SEMA3E: variants seen among roughly 807,000 people sequenced by gnomAD.
The protein encoded by SEMA3E is semaphorin-3E.
In SEMA3E, 49 loss-of-function variants were observed where a neutral mutation model predicts 93.6. That is an observed-to-expected ratio of 0.52 (90% CI 0.42 to 0.66). The LOEUF is 0.66. Among genes scored for constraint, SEMA3E ranks in the 30% least tolerant of loss-of-function variants. The pLI is 0.00. For synonymous variants in SEMA3E, 363 were observed against 330.7 expected, an observed-to-expected ratio of 1.10 and a Z score of -1.06; for missense variants, 906 against 964.8, an observed-to-expected ratio of 0.94 and a Z score of 0.81.
chr7:83,559,141 A>G (rs1329119249), intron 1 of SEMA3E, among the ~76,000 whole-genome samples: 11 of 152,218 alleles, frequency 7.2e-5, no homozygotes, highest in Admixed American at 7.2e-4. Flanking sequence ...GCTGAGAACA[A>G]GTCCAAATCT....
chr7:83,400,931 C>T (rs983793667), intron 10 of SEMA3E, among the ~76,000 whole-genome samples: 6 of 152,072 alleles, frequency 3.9e-5, no homozygotes, highest in African/African-American at 1.4e-4. Context: ...TTTACTACTA[C>T]TGAGTCTATG....
At chr7:83,565,780 T>C (rs1792136264) in intron 1 of SEMA3E, among the ~76,000 whole-genome samples, 1 of 152,142 alleles carries the variant, frequency 6.6e-6, no homozygotes, top group African/African-American at 2.4e-5. Context: ...TTCCAGTTTC[T>C]AAGGGTGAAA....
rs374336266 is a variant in SEMA3E, at chr7:83,533,475, C to T, written c.116-43201G>A. 1.4e-4 allele frequency among the ~76,000 whole-genome samples: 22 copies of T among 152,134 alleles called. 2 individuals carry two copies. The East Asian group carries it at 1.5e-3, about 11-fold the overall frequency. ...AGGAGAATGGCTTGAACCCGGGAGG[C>T]GGAGATTGCAGCTAGCCAAGATTGT... On this transcript the variant is annotated intron_variant, in intron 1 of 16. Coordinates refer to ENST00000643230, the MANE Select transcript of SEMA3E (RefSeq NM_012431.3).
At chr7:83,554,997 T>TAAATAAATAAATAAATAAATAAATAACA in intron 1 of SEMA3E, among the ~76,000 whole-genome samples, 1 of 145,260 alleles carries the variant, frequency 6.9e-6, no homozygotes, top group East Asian at 2.1e-4. Context: ...AATAAATAAA[T>TAAATAAATAAATAAATAAATAAATAACA]AAAAATGGAA....
At chr7:83,583,452 C>A (rs560973423) in intron 1 of SEMA3E, among the ~76,000 whole-genome samples, 2 of 152,144 alleles carry the variant, frequency 1.3e-5, no homozygotes, top group Admixed American at 1.3e-4. Flanking sequence ...TGAATCCATC[C>A]CTGTGCAAGA....
Position 83,392,661 on chromosome 7 carries a change from T to C in SEMA3E, c.1561A>G (p.Met521Val), listed in dbSNP as rs1235152688. 2 of 1,613,842 alleles carry C rather than the reference T, an allele frequency of 1.2e-6. No individual in the cohort carries two copies. The highest frequency in any genetic ancestry group is 1.7e-5 in the Admixed American group (1 of 59,960). Residue 521 changes from methionine (M) to valine (V), a missense_variant, in exon 14 of 17, where the codon ATG becomes GTG. Transcript: ENST00000643230. ...VAQVRFHHCD[M>V]YGSACADCCL... ...CAGTCAGCACAAGCACTTCCATACA[T>C]GTCACAGTGATGGAATCTGACTTGA...
chr7:83,422,067 C>G (rs575434155), intron 4 of SEMA3E, among the ~76,000 whole-genome samples: 1 of 152,150 alleles, frequency 6.6e-6, no homozygotes, highest in East Asian at 1.9e-4. Context: ...ATCCCAGCTA[C>G]TTGGGAGGCT....
chr7:83,475,525 T>C (rs1185539081), intron 2 of SEMA3E, among the ~76,000 whole-genome samples: 1 of 152,160 alleles, frequency 6.6e-6, no homozygotes, highest in Non-Finnish European at 1.5e-5. Flanking sequence ...TTTCCTAAGC[T>C]TGGAGTCCCT....
At chr7:83,451,449 T>C (rs1789356215) in intron 4 of SEMA3E, among the ~76,000 whole-genome samples, 1 of 152,208 alleles carries the variant, frequency 6.6e-6, no homozygotes, top group Admixed American at 6.5e-5. Flanking sequence ...CATCAAGGCA[T>C]AAATGTAACA....
chr7:83,392,899 CT>C (rs1437159377), intron 13 of SEMA3E, among the ~76,000 whole-genome samples, 178 bp from the exon 14 acceptor site: 1 of 151,902 alleles, frequency 6.6e-6, no homozygotes. Flanking sequence ...AAAACCCCAT[CT>C]CTACTAAAAA....
chr7:83,533,352 G>A (rs1035995761), intron 1 of SEMA3E, among the ~76,000 whole-genome samples: 1 of 151,966 alleles, frequency 6.6e-6, no homozygotes, highest in African/African-American at 2.4e-5. Context: ...GACCAGTCTG[G>A]CCAACATGGC....
chr7:83,431,530 C>A (rs1195745167), intron 4 of SEMA3E, among the ~76,000 whole-genome samples: 1 of 152,088 alleles, frequency 6.6e-6, no homozygotes, highest in Non-Finnish European at 1.5e-5. Context: ...CTCAGCCTCT[C>A]GTCACTAGGA....
chr7:83,373,131 G>A (rs982654690), intron 16 of SEMA3E: 2 of 150,630 alleles, frequency 1.3e-5, no homozygotes, highest in African/African-American at 4.9e-5. Context: ...GATTCAGTAT[G>A]TTTTATAATT....
intron 4 of SEMA3E, among the ~76,000 whole-genome samples, chr7:83,430,749 A>G (rs1788863998): frequency 6.6e-6 from 1 of 152,118 alleles, no homozygotes; most frequent in African/African-American, 2.4e-5. Flanking sequence ...AACATAGATG[A>G]CGGACTATTA....
rs1789268578 is a variant in SEMA3E at position 83,447,901 on chromosome 7, T to G, written c.456+18581A>C. 3.9e-5 allele frequency among the ~76,000 whole-genome samples: 6 copies of G among 152,318 alleles called. No individual in the cohort carries two copies. The South Asian group carries it at 1.2e-3, about 32-fold the overall frequency. On this transcript the variant is annotated intron_variant, in intron 4 of 16. Coordinates refer to ENST00000643230, the MANE Select transcript of SEMA3E (RefSeq NM_012431.3). ...TAATAGGAAAATAATGTTAACACAG[T>G]GAGTCCTCTTTTTCTACTGAACTCA...
chr7:83,455,085 C>G (rs1355935028), intron 4 of SEMA3E, among the ~76,000 whole-genome samples: 2 of 152,138 alleles, frequency 1.3e-5, no homozygotes, highest in African/African-American at 2.4e-5. Context: ...TTTATCAAAA[C>G]CATACACTGA....
intron 4 of SEMA3E, among the ~76,000 whole-genome samples, chr7:83,437,245 A>C (rs574156415): frequency 6.6e-6 from 1 of 152,292 alleles, no homozygotes; most frequent in African/African-American, 2.4e-5. Flanking sequence ...AAATAATAAT[A>C]ATAATAAAGT....
At chr7:83,603,822 A>C (rs1393235169) in intron 1 of SEMA3E, among the ~76,000 whole-genome samples, 1 of 152,166 alleles carries the variant, frequency 6.6e-6, no homozygotes, top group Non-Finnish European at 1.5e-5. Flanking sequence ...AGTCTATTGC[A>C]ACACAACAGT....
In SEMA3E at chr7:83,585,403, T is replaced by C. The variant is rs61122366; in HGVS notation, c.115+63025A>G. Among the ~76,000 whole-genome samples, 401 of 152,332 alleles carry C rather than the reference T, an allele frequency of 2.6e-3. 2 individuals carry two copies. Among genetic ancestry groups the C allele is most frequent in the African/African-American group, 9.0e-3 (375 of 41,584 alleles). The stretch of plus-strand genomic sequence containing the variant: ...TTTCTTGTTTTGTTTTATCAGTATA[T>C]CCTGAGTTTGAAGCACAATTATCTG... On this transcript the variant is annotated intron_variant, in intron 1 of 16. Coordinates refer to ENST00000643230, the MANE Select transcript of SEMA3E (RefSeq NM_012431.3).
Sources: allele counts gnomAD v4.1 joint callset (sites outside exome capture counted in the v4.1 genomes callset), GRCh38; gene constraint gnomAD v4.1.1; transcripts MANE v1.5; gene names NCBI Gene and HGNC (gene_info 2026-07-23, HGNC 2026-07-21).